ANKRD30A: variants seen among roughly 807,000 people sequenced by gnomAD.
The protein encoded by ANKRD30A is ankyrin repeat domain-containing protein 30A.
A neutral mutation model predicts 166.3 loss-of-function variants in ANKRD30A; 170 were observed. The ratio of observed to expected loss-of-function variants is 1.02; its 90% CI spans 0.90 to 1.16. The LOEUF (loss-of-function observed/expected upper bound fraction) is 1.16. Ranked by LOEUF, ANKRD30A falls within the 50% of genes most tolerant of loss-of-function variation. The pLI, the probability that ANKRD30A is intolerant of heterozygous loss-of-function variation, is 0.00. For missense variants in ANKRD30A, 1,630 were observed against 1,518.0 expected, an observed-to-expected ratio of 1.07 and a Z score of -1.23; for synonymous variants, 564 against 508.9, an observed-to-expected ratio of 1.11 and a Z score of -1.46.
At chr10:37,216,105 G>C in intron 31 of ANKRD30A, 76 bp from the exon 32 acceptor site, 2 of 1,047,596 alleles carry the variant, frequency 1.9e-6, no homozygotes, top group Middle Eastern at 3.1e-4. Context: ...CAGTGTATAA[G>C]TGATTGTTAA....
intron 4 of ANKRD30A, 33 bp from the exon 5 acceptor site, chr10:37,133,883 C>A: frequency 6.2e-7 from 1 of 1,610,072 alleles, no homozygotes; most frequent in South Asian, 1.1e-5. Flanking sequence ...TGGTTCTGCT[C>A]ATAATAATGA....
chr10:37,212,852 T>G (rs756401845), intron 31 of ANKRD30A, among the ~76,000 whole-genome samples: 7 of 151,946 alleles, frequency 4.6e-5, no homozygotes, highest in African/African-American at 7.2e-5. Context: ...TTTTTCAGTT[T>G]TGTCAAAGAT....
chr10:37,152,825 A>G (rs1838055736), intron 12 of ANKRD30A, among the ~76,000 whole-genome samples: 1 of 152,112 alleles, frequency 6.6e-6, no homozygotes, highest in South Asian at 2.1e-4. Context: ...GAAGTATCTG[A>G]CCTCTTAGAA....
In ANKRD30A at chr10:37,198,718, G is replaced by A. The variant is rs190457330; in HGVS notation, c.2717-1009G>A. ...TCGACACTCTGCATGAAATATGAAC[G>A]TTAGCTATGCTGTGATCACAAGTTA... is the stretch of plus-strand genomic sequence containing the variant. On this transcript the variant is annotated intron_variant, in intron 29 of 35. Coordinates refer to ENST00000361713, the MANE Select transcript of ANKRD30A (RefSeq NM_052997.3). 1.2e-4 allele frequency among the ~76,000 whole-genome samples: 18 copies of A among 152,104 alleles called. No individual in the cohort carries two copies. The East Asian group carries it at 1.9e-3, about 16-fold the overall frequency.
the ANKRD30A span, among the ~76,000 whole-genome samples, chr10:37,250,564 A>G: frequency 6.6e-6 from 1 of 152,140 alleles, no homozygotes; most frequent in Admixed American, 6.5e-5. Flanking sequence ...GACATTTTAT[A>G]TGCTGAAACC....
chr10:37,145,335 G>A (rs1837422058), intron 8 of ANKRD30A, among the ~76,000 whole-genome samples: 1 of 152,112 alleles, frequency 6.6e-6, no homozygotes, highest in African/African-American at 2.4e-5. Flanking sequence ...AAATTAGTTG[G>A]GTGTGGTGGC....
At chr10:37,238,108 A>G in the ANKRD30A span, among the ~76,000 whole-genome samples, 1 of 152,132 alleles carries the variant, frequency 6.6e-6, no homozygotes, top group Non-Finnish European at 1.5e-5. Context: ...AAGCTTCTGG[A>G]TGCCCTCATA....
chr10:37,198,295 G>T (rs185591788), intron 29 of ANKRD30A, among the ~76,000 whole-genome samples: 1 of 151,834 alleles, frequency 6.6e-6, no homozygotes, highest in East Asian at 1.9e-4. Context: ...GGCAACATTC[G>T]TTTTTGATCA....
In ANKRD30A at chr10:37,200,117, T is replaced by C. The variant is rs184792931; in HGVS notation, c.2778+329T>C. Among the ~76,000 whole-genome samples the C allele has an allele frequency of 5.5e-3, 833 of 152,190 alleles. 13 individuals are homozygous for C. Among genetic ancestry groups the C allele is most frequent in the Non-Finnish European group, 4.4e-3 (302 of 67,956 alleles). ...CACTGAGTCCAGCTCTGGGCAAATATATGATTCTGTCTTATATCTAGATGT... is the reference window on the plus strand; with the variant it reads ...CACTGAGTCCAGCTCTGGGCAAATACATGATTCTGTCTTATATCTAGATGT... On this transcript the variant is annotated intron_variant, in intron 30 of 35. Coordinates refer to ENST00000361713, the MANE Select transcript of ANKRD30A (RefSeq NM_052997.3).
intron 24 of ANKRD30A, among the ~76,000 whole-genome samples, chr10:37,179,921 T>C (rs1178050419): frequency 3.8e-5 from 1 of 26,556 alleles, no homozygotes; most frequent in Non-Finnish European, 8.6e-5. Context: ...TACAGCAACT[T>C]TTTAATTTTT....
At chr10:37,216,897 C>T (rs985351851) in intron 32 of ANKRD30A, among the ~76,000 whole-genome samples, 2 of 150,882 alleles carry the variant, frequency 1.3e-5, no homozygotes, top group African/African-American at 4.8e-5. Flanking sequence ...CTTCTTTCCC[C>T]AAGACTCGAT....
At chr10:37,129,701 A>T (rs1836260152) in intron 1 of ANKRD30A, among the ~76,000 whole-genome samples, 192 bp from the exon 2 acceptor site, 1 of 152,206 alleles carries the variant, frequency 6.6e-6, no homozygotes, top group African/African-American at 2.4e-5. Context: ...TTTCTATTCA[A>T]ATAGGCCACT....
the ANKRD30A span, among the ~76,000 whole-genome samples, chr10:37,262,968 G>C: frequency 2.0e-5 from 3 of 151,700 alleles, no homozygotes; most frequent in African/African-American, 7.3e-5. Flanking sequence ...AGAACACAAG[G>C]CTTTGTTATT....
intron 31 of ANKRD30A, among the ~76,000 whole-genome samples, chr10:37,210,555 A>G (rs770511308): frequency 2.0e-5 from 3 of 152,124 alleles, no homozygotes; most frequent in Non-Finnish European, 4.4e-5. Context: ...CTCTTCTACA[A>G]TGGTTGAACT....
At chr10:37,149,427 T>TC (rs1263052079) in intron 9 of ANKRD30A, among the ~76,000 whole-genome samples, 2 of 152,108 alleles carry the variant, frequency 1.3e-5, no homozygotes, top group Non-Finnish European at 2.9e-5. Context: ...ACAATCTCGC[T>TC]TTGAAGTCTT....
intron 5 of ANKRD30A, 73 bp from the exon 6 acceptor site, chr10:37,136,534 A>G (rs766017589): frequency 1.5e-6 from 1 of 676,610 alleles, no homozygotes; most frequent in Non-Finnish European, 2.5e-6. Flanking sequence ...TAAGAACTTA[A>G]TAAATTTGGT....
At chr10:37,178,623 T>G in intron 24 of ANKRD30A, 4 of 961,162 alleles carry the variant, frequency 4.2e-6, no homozygotes, top group South Asian at 4.8e-5. Context: ...TTGAGGATGT[T>G]TTTAGTCAGG....
intron 34 of ANKRD30A, among the ~76,000 whole-genome samples, chr10:37,221,107 A>T (rs1201158293): frequency 6.7e-6 from 1 of 149,862 alleles, no homozygotes; most frequent in Non-Finnish European, 1.5e-5. Flanking sequence ...ATTAGCGGAC[A>T]AATGACTAGT....
downstream of ANKRD30A, among the ~76,000 whole-genome samples, chr10:37,233,165 A>G (rs1281959769): frequency 6.6e-6 from 1 of 152,132 alleles, no homozygotes; most frequent in African/African-American, 2.4e-5. Context: ...CTCAGACAGC[A>G]TTGCTGCCAA....
Sources: allele counts gnomAD v4.1 joint callset (sites outside exome capture counted in the v4.1 genomes callset), GRCh38; gene constraint gnomAD v4.1.1; transcripts MANE v1.5; gene names NCBI Gene and HGNC (gene_info 2026-07-23, HGNC 2026-07-21).